Variants in DUSP10 observed in about 807,000 individuals in gnomAD.
DUSP10 encodes the protein dual specificity phosphatase 10, also known as dual specificity protein phosphatase 10.
DUSP10 carries 14 observed loss-of-function variants against 30.8 expected under a neutral mutation model. That is an observed-to-expected ratio of 0.46 (90% CI 0.30 to 0.71). The LOEUF (loss-of-function observed/expected upper bound fraction) is 0.71. Ranked by LOEUF, DUSP10 falls within the 30% of genes least tolerant of loss-of-function variation. The pLI is 0.08. For synonymous variants in DUSP10, 254 were observed against 250.4 expected (o/e 1.01, Z -0.14); for missense variants, 550 against 619.4 (o/e 0.89, Z 1.19).
intron 3 of DUSP10, among the ~76,000 whole-genome samples, chr1:221,704,061 G>A (rs1414987470): frequency 7.3e-5 from 11 of 151,390 alleles, no homozygotes; most frequent in South Asian, 4.2e-4. Flanking sequence ...CTGGACCACC[G>A]GTTCCACTAC....
Position 221,724,811 on chromosome 1 carries a change from T to C in DUSP10, c.811+14123A>G, listed in dbSNP as rs118128074. ...ACACCAGGAAGTCATTCGGCTCCCA[T>C]GGAACATCAAATAGCCACTCTATTT... On this transcript the variant is annotated intron_variant, in intron 2 of 3. Coordinates refer to ENST00000366899, the MANE Select transcript of DUSP10 (RefSeq NM_007207.6). Among the ~76,000 whole-genome samples the C allele has an allele frequency of 3.2e-3, 491 of 152,276 alleles. 7 individuals are homozygous for C. The East Asian group carries it at 0.056, about 17-fold the overall frequency.
In DUSP10 at chr1:221,741,677, C is replaced by T. The variant is rs143011870; in HGVS notation, c.-44+304G>A. Among the ~76,000 whole-genome samples, 288 of 152,142 alleles carry T rather than the reference C, an allele frequency of 1.9e-3. 3 individuals are homozygous for T. The highest frequency in any genetic ancestry group is 6.7e-3 in the African/African-American group (278 of 41,496). Reference sequence around the variant, plus strand: ...CGGCACACAGCGCACTAATGAGCCCCGAGCATTTAAAACTGCCGCAAAGCA... The same window carrying T: ...CGGCACACAGCGCACTAATGAGCCCTGAGCATTTAAAACTGCCGCAAAGCA... On this transcript the variant is annotated intron_variant, in intron 1 of 3. Coordinates refer to ENST00000366899, the MANE Select transcript of DUSP10 (RefSeq NM_007207.6).
chr1:221,737,544 C>T (rs1286831960), intron 2 of DUSP10: 15 of 802,302 alleles, frequency 1.9e-5, no homozygotes, highest in East Asian at 1.3e-4. Context: ...ACAACCACCA[C>T]GACCAGGAAA....
Position 221,739,400 on chromosome 1 carries a change from G to T in DUSP10, c.345C>A (p.Asn115Lys), listed in dbSNP as rs368788438. Residue 115 changes from asparagine to lysine, a missense_variant, in exon 2 of 4, where the codon AAC becomes AAA. Physicochemically the swap from Asn to Lys is moderately conservative, Grantham distance 94 (BLOSUM62 0). Transcript: ENST00000366899. The part of the protein sequence containing the change: ...AIGTSTTCPA[N>K]QMVNNNENTG... ...TATTCTCATTATTGTTGACCATCTGGTTAGCAGGGCAGGTGGTAGAGGTTC... is the reference window on the plus strand; with the variant it reads ...TATTCTCATTATTGTTGACCATCTGTTTAGCAGGGCAGGTGGTAGAGGTTC... The T allele has an allele frequency of 6.2e-7, 1 of 1,614,202 alleles. No homozygotes were observed. Among genetic ancestry groups the T allele is most frequent in the Admixed American group, 1.7e-5 (1 of 60,022 alleles).
chr1:221,705,086 G>A (rs1660715085), intron 3 of DUSP10, among the ~76,000 whole-genome samples: 1 of 151,192 alleles, frequency 6.6e-6, no homozygotes, highest in South Asian at 2.1e-4. Flanking sequence ...TATATTGCAG[G>A]TGCTCCCAAA....
chr1:221,719,860 T>C (rs936566426), intron 2 of DUSP10, among the ~76,000 whole-genome samples: 3 of 152,174 alleles, frequency 2.0e-5, no homozygotes, highest in Non-Finnish European at 4.4e-5. Flanking sequence ...GGACTTAGGG[T>C]AATCTTTAAG....
chr1:221,726,006 G>T (rs913349167), intron 2 of DUSP10, among the ~76,000 whole-genome samples: 5 of 152,128 alleles, frequency 3.3e-5, no homozygotes, highest in Non-Finnish European at 7.3e-5. Flanking sequence ...CCACCAAAGA[G>T]GTCCAAGATC....
intron 2 of DUSP10, chr1:221,737,457 C>A: frequency 1.0e-6 from 1 of 985,284 alleles, no homozygotes; most frequent in Non-Finnish European, 1.2e-6. Context: ...GTCAACCATA[C>A]AAGAATACAG....
At chr1:221,715,319 T>A (rs1362614759) in intron 2 of DUSP10, among the ~76,000 whole-genome samples, 1 of 152,226 alleles carries the variant, frequency 6.6e-6, no homozygotes, top group Non-Finnish European at 1.5e-5. Flanking sequence ...TTGTCAGAGC[T>A]TTAAAGATTC....
At chr1:221,711,406 C>T (rs1305299968) in intron 2 of DUSP10, among the ~76,000 whole-genome samples, 1 of 152,210 alleles carries the variant, frequency 6.6e-6, no homozygotes, top group Non-Finnish European at 1.5e-5. Flanking sequence ...AACACTCTCA[C>T]TGAAGGTCAG....
chr1:221,741,369 C>G (rs1661948483), intron 1 of DUSP10, among the ~76,000 whole-genome samples: 1 of 152,158 alleles, frequency 6.6e-6, no homozygotes, highest in African/African-American at 2.4e-5. Flanking sequence ...AGCGTGTTCA[C>G]AGAGACACGC....
chr1:221,739,026 G>C lies in DUSP10; in HGVS notation c.719C>G (p.Thr240Ser), dbSNP rs1338928456. The change falls in exon 2 of 4, where the codon ACC becomes AGC. Residue 240 changes from threonine to serine, a missense_variant. Physicochemically the swap from Thr to Ser is moderately conservative, Grantham distance 58. Transcript: ENST00000366899. The part of the protein sequence containing the change: ...SKEIIVYDEN[T>S]NEPSRVMPSQ... ...GGGCATCACTCGGCTTGGTTCATTGGTATTCTCATCATAAACTATAATTTC... is the reference window on the plus strand; with the variant it reads ...GGGCATCACTCGGCTTGGTTCATTGCTATTCTCATCATAAACTATAATTTC... 6.2e-7 allele frequency: 1 copy of C among 1,614,178 alleles called. No individual in the cohort carries two copies. Among genetic ancestry groups the C allele is most frequent in the East Asian group, 2.2e-5 (1 of 44,884 alleles).
At position 221,739,650 on chromosome 1, in the gene DUSP10, A is replaced by T; in HGVS notation, c.95T>A (p.Leu32His). The T allele has an allele frequency of 6.2e-7, 1 of 1,614,224 alleles. No individual in the cohort carries two copies. Among genetic ancestry groups the T allele is most frequent in the South Asian group, 1.1e-5 (1 of 91,084 alleles). The change falls in exon 2 of 4, where the codon CTT (leucine) becomes CAT (histidine). Residue 32 changes from leucine to histidine, a missense_variant. Transcript: ENST00000366899. ...DLNLCLDSSYLGSANPGSNSH... is the reference protein window; with the variant it reads ...DLNLCLDSSYHGSANPGSNSH... ...GTTACTGCCTGGGTTGGCAGAGCCA[A>T]GGTAACTAGAGTCTAAACAAAGGTT... is the stretch of plus-strand genomic sequence containing the variant.
At chr1:221,736,247 G>A (rs1181184427) in intron 2 of DUSP10, among the ~76,000 whole-genome samples, 1 of 152,170 alleles carries the variant, frequency 6.6e-6, no homozygotes, top group Non-Finnish European at 1.5e-5. Context: ...GACAGGGAGG[G>A]TAGCAACCAG....
chr1:221,705,111 G>GGTTTTTTTTTTTTTTT (rs59522738), intron 3 of DUSP10, among the ~76,000 whole-genome samples: 1 of 142,002 alleles, frequency 7.0e-6, no homozygotes, highest in African/African-American at 2.6e-5. Flanking sequence ...TATTTTGAGT[G>GGTTTTTTTTTTTTTTT]TTTTTTTTTT....
Position 221,739,784 on chromosome 1 carries a change from C to G in DUSP10, c.-40G>C. 2.6e-6 allele frequency: 4 copies of G among 1,532,256 alleles called. No homozygotes were observed. Among genetic ancestry groups the G allele is most frequent in the Non-Finnish European group, 3.5e-6 (4 of 1,142,266 alleles). 94.9% of individuals were successfully genotyped at this position (1,532,256 alleles called of 1,614,324 possible). A position where few individuals can be genotyped will look rare whatever the true frequency, so the allele number is the denominator to read the frequency against. ...CTGGCAATTCAAGAAGAACTCAAGA[C>G]AGTCTGTAAAGAAGGGGAAGGGGGA... On this transcript the variant is annotated 5_prime_UTR_variant, in exon 2 of 4. Transcript: ENST00000366899.
intron 2 of DUSP10, among the ~76,000 whole-genome samples, chr1:221,734,299 C>T (rs1661701351): frequency 6.6e-6 from 1 of 152,228 alleles, no homozygotes; most frequent in Non-Finnish European, 1.5e-5. Flanking sequence ...TTACTCCAGC[C>T]TCCTGGCCCA....
intron 2 of DUSP10, among the ~76,000 whole-genome samples, chr1:221,707,706 A>G (rs1002304913): frequency 2.6e-5 from 4 of 152,224 alleles, no homozygotes; most frequent in Non-Finnish European, 5.9e-5. Context: ...ACAAAAATAA[A>G]AGAAAAAAAG....
intron 2 of DUSP10, among the ~76,000 whole-genome samples, chr1:221,721,681 C>T (rs762875039): frequency 3.9e-5 from 6 of 152,100 alleles, no homozygotes; most frequent in Non-Finnish European, 7.3e-5. Context: ...CCTCTCTCCT[C>T]GCCCCTACTT....
Sources: gnomAD v4.1 joint callset for allele counts (sites outside exome capture counted in the v4.1 genomes callset) on GRCh38, gnomAD v4.1.1 for gene constraint, MANE v1.5 for transcripts, NCBI Gene and HGNC (gene_info 2026-07-23, HGNC 2026-07-21) for gene names.